Variants in GIPC2 observed in about 807,000 individuals in gnomAD.
The protein encoded by GIPC2 is PDZ domain-containing protein GIPC2.
Under a neutral mutation model 30.6 loss-of-function variants are expected in GIPC2, and 30 were observed. That is an observed-to-expected ratio of 0.98 (90% CI 0.73 to 1.33). GIPC2 has a LOEUF of 1.33. Among genes scored for constraint, GIPC2 ranks in the 40% most tolerant of loss-of-function variants. The pLI is 0.00. For synonymous variants in GIPC2, 167 were observed against 150.0 expected, an observed-to-expected ratio of 1.11 and a Z score of -0.83; for missense variants, 414 against 390.3, an observed-to-expected ratio of 1.06 and a Z score of -0.51.
At chr1:78,092,162 C>G in intron 2 of GIPC2, 1 of 696,864 alleles carries the variant, frequency 1.4e-6, no homozygotes, top group East Asian at 2.7e-5. Context: ...TTTTTATAGT[C>G]TAGAGCCTTT....
chr1:78,084,790 A>G (rs1238416633), intron 2 of GIPC2, among the ~76,000 whole-genome samples: 1 of 152,138 alleles, frequency 6.6e-6, no homozygotes. Context: ...TTGATTTTGT[A>G]TCTTGAAACT....
intron 5 of GIPC2, among the ~76,000 whole-genome samples, chr1:78,130,333 A>C (rs1557553133): frequency 6.6e-6 from 1 of 151,934 alleles, no homozygotes; most frequent in Non-Finnish European, 1.5e-5. Context: ...CGAACTCCTG[A>C]CCTTGTGATC....
At chr1:78,054,176 T>C (rs1661247100) in intron 1 of GIPC2, among the ~76,000 whole-genome samples, 1 of 152,222 alleles carries the variant, frequency 6.6e-6, no homozygotes, top group South Asian at 2.1e-4. Flanking sequence ...CCAAGAAGCC[T>C]ACCCTGTGAA....
intron 2 of GIPC2, among the ~76,000 whole-genome samples, chr1:78,087,120 T>C (rs1305747315): frequency 6.6e-6 from 1 of 152,192 alleles, no homozygotes; most frequent in Non-Finnish European, 1.5e-5. Flanking sequence ...AAATATCCCA[T>C]GCTTGTGGAT....
chr1:78,068,984 C>G (rs756379550), intron 1 of GIPC2: 5 of 720,888 alleles, frequency 6.9e-6, no homozygotes, highest in Non-Finnish European at 6.8e-6. Context: ...TCTTCTCCCT[C>G]TCTTTTCTAA....
chr1:78,070,438 C>T (rs1661595933), intron 1 of GIPC2, among the ~76,000 whole-genome samples: 1 of 152,046 alleles, frequency 6.6e-6, no homozygotes, highest in Non-Finnish European at 1.5e-5. Context: ...TGATGTCTTT[C>T]AAATTGGCAT....
chr1:78,129,313 A>G (rs747767110), intron 5 of GIPC2, among the ~76,000 whole-genome samples: 5 of 152,220 alleles, frequency 3.3e-5, no homozygotes, highest in Non-Finnish European at 7.3e-5. Flanking sequence ...TTAGCATGAA[A>G]TATAAATCAC....
At chr1:78,117,619 C>G (rs546147790) in intron 3 of GIPC2, among the ~76,000 whole-genome samples, 1 of 152,154 alleles carries the variant, frequency 6.6e-6, no homozygotes, top group South Asian at 2.1e-4. Context: ...CTGTGTGGCC[C>G]AGTTTCTAAC....
chr1:78,045,105 A>C (rs1661043802), upstream of GIPC2: 12 of 973,428 alleles, frequency 1.2e-5, no homozygotes, highest in Middle Eastern at 1.0e-3. Context: ...GTAAGATAAA[A>C]ACCTAAAAGA....
In GIPC2 at chr1:78,136,478, TA is replaced by T. The variant is rs574955403; in HGVS notation, c.*739del. The T allele has an allele frequency of 1.3e-5, 2 of 152,088 alleles. No homozygotes were observed. Among genetic ancestry groups the T allele is most frequent in the Non-Finnish European group, 2.9e-5 (2 of 67,968 alleles). The allele number at this position is 152,088 out of a possible 1,614,324, so 9.4% of individuals were successfully genotyped here. Reference sequence around the variant, plus strand: ...TGCATTTGATTTTTTTTTCAGTCCTTAAAACATTATTTCTTTTTTTCACTCA... The same window carrying T: ...TGCATTTGATTTTTTTTTCAGTCCTTAAACATTATTTCTTTTTTTCACTCA... On this transcript the variant is annotated 3_prime_UTR_variant, in exon 6 of 6. Transcript: ENST00000370759.
chr1:78,074,800 A>G (rs2100333644), intron 1 of GIPC2, among the ~76,000 whole-genome samples: 1 of 152,318 alleles, frequency 6.6e-6, no homozygotes, highest in Non-Finnish European at 1.5e-5. Flanking sequence ...GATTGTCTGA[A>G]ATTTTTGTTA....
At chr1:78,070,709 A>G (rs1245845704) in intron 1 of GIPC2, among the ~76,000 whole-genome samples, 1 of 152,186 alleles carries the variant, frequency 6.6e-6, no homozygotes, top group Non-Finnish European at 1.5e-5. Context: ...ATATTTCATT[A>G]GTAAAGAAAG....
At chr1:78,091,586 G>A in intron 2 of GIPC2, 1 of 760,752 alleles carries the variant, frequency 1.3e-6, no homozygotes, top group Admixed American at 1.7e-5. Context: ...CAAGTCCTTC[G>A]CGATCTTCTT....
intron 1 of GIPC2, among the ~76,000 whole-genome samples, chr1:78,048,680 C>G (rs548622118): frequency 1.3e-5 from 2 of 152,258 alleles, no homozygotes; most frequent in African/African-American, 2.4e-5. Flanking sequence ...CCTCCTACCT[C>G]AGTCTCTTGA....
intron 3 of GIPC2, among the ~76,000 whole-genome samples, chr1:78,117,342 G>A (rs1030441071): frequency 3.3e-5 from 5 of 152,132 alleles, no homozygotes; most frequent in East Asian, 3.8e-4. Context: ...AGTTGTCTCC[G>A]GTTCTTTAGT....
At position 78,095,121 on chromosome 1, in the gene GIPC2, A is replaced by T; in HGVS notation, c.596A>T (p.Lys199Met). 1 of 1,611,246 alleles carries T rather than the reference A, an allele frequency of 6.2e-7. No homozygotes were observed. Among genetic ancestry groups the T allele is most frequent in the Non-Finnish European group, 8.5e-7 (1 of 1,177,836 alleles). ...ELFTMKLIEP[K>M]KAFEIELRSK... The stretch of plus-strand genomic sequence containing the variant: ...TTTACTATGAAGTTAATAGAACCTA[A>T]GAAGGCATTTGGTAAGTCAGGGGTT... The change falls in exon 3 of 6, where the codon AAG (lysine) becomes ATG (methionine). Residue 199 changes from lysine to methionine, a missense_variant. Physicochemically the swap from Lys to Met is moderately conservative, Grantham distance 95. Coordinates refer to ENST00000370759, the MANE Select transcript of GIPC2 (RefSeq NM_017655.6).
intron 1 of GIPC2, among the ~76,000 whole-genome samples, chr1:78,070,043 C>T (rs542372109): frequency 5.3e-5 from 8 of 152,150 alleles, no homozygotes; most frequent in Non-Finnish European, 1.2e-4. Context: ...TCTCTTCAGA[C>T]ATTTCATTGT....
At chr1:78,103,539 G>A (rs897498676) in intron 3 of GIPC2, among the ~76,000 whole-genome samples, 1 of 152,202 alleles carries the variant, frequency 6.6e-6, no homozygotes, top group Non-Finnish European at 1.5e-5. Flanking sequence ...GGGTTTTTCA[G>A]CTAGGTAAAC....
At chr1:78,092,186 G>A (rs917816851) in intron 2 of GIPC2, 16 of 593,032 alleles carry the variant, frequency 2.7e-5, no homozygotes, top group Non-Finnish European at 4.8e-5. Flanking sequence ...AAACCCAAGG[G>A]AATGTAATTG....
Sources: allele counts gnomAD v4.1 joint callset (sites outside exome capture counted in the v4.1 genomes callset), GRCh38; gene constraint gnomAD v4.1.1; transcripts MANE v1.5; gene names NCBI Gene and HGNC (gene_info 2026-07-23, HGNC 2026-07-21).